RNGTT: variants seen among roughly 807,000 people sequenced by gnomAD.
RNGTT encodes RNA guanylyltransferase and 5'-phosphatase, also known as mRNA-capping enzyme.
In RNGTT, 33 loss-of-function variants were observed where a neutral mutation model predicts 79.3. The ratio of observed to expected loss-of-function variants is 0.42; its 90% CI spans 0.32 to 0.56. The LOEUF (loss-of-function observed/expected upper bound fraction) is 0.56, where lower values mean the gene tolerates loss of function less well. Ranked by LOEUF, RNGTT falls within the 20% of genes least tolerant of loss-of-function variation. The pLI, the probability that RNGTT is intolerant of heterozygous loss-of-function variation, is 0.17. For synonymous variants in RNGTT, 222 were observed against 235.9 expected, an observed-to-expected ratio of 0.94 and a Z score of 0.54; for missense variants, 497 against 739.1, an observed-to-expected ratio of 0.67 and a Z score of 3.80.
intron 14 of RNGTT, among the ~76,000 whole-genome samples, chr6:88,629,354 G>A (rs1772757793): frequency 6.6e-6 from 1 of 152,130 alleles, no homozygotes; most frequent in African/African-American, 2.4e-5. Context: ...GAAAAAAGAT[G>A]CAAACATAAA....
At chr6:88,914,415 G>A (rs774305130) in intron 4 of RNGTT, among the ~76,000 whole-genome samples, 2 of 151,960 alleles carry the variant, frequency 1.3e-5, no homozygotes, top group Non-Finnish European at 2.9e-5. Flanking sequence ...AACCAAAAGA[G>A]CATGGTACTC....
chr6:88,643,976 A>G (rs1773428143), intron 14 of RNGTT, among the ~76,000 whole-genome samples: 1 of 152,184 alleles, frequency 6.6e-6, no homozygotes, highest in Non-Finnish European at 1.5e-5. Context: ...TTCAAAAGCT[A>G]GCAGAAGGCA....
chr6:88,729,172 C>A (rs1478850016), intron 13 of RNGTT, among the ~76,000 whole-genome samples: 1 of 152,182 alleles, frequency 6.6e-6, no homozygotes, highest in Non-Finnish European at 1.5e-5. Flanking sequence ...TCTCTCACGA[C>A]AGGCAGGAAA....
intron 5 of RNGTT, among the ~76,000 whole-genome samples, chr6:88,905,983 C>A (rs1204310421): frequency 1.3e-5 from 2 of 151,948 alleles, no homozygotes; most frequent in East Asian, 3.9e-4. Context: ...CCTCACTAGA[C>A]AAAAAAGAAA....
chr6:88,687,412 T>C (rs139942710), intron 13 of RNGTT, among the ~76,000 whole-genome samples: 3 of 152,304 alleles, frequency 2.0e-5, no homozygotes, highest in African/African-American at 7.2e-5. Context: ...GACCCAGTCA[T>C]CTTCCTTCTG....
chr6:88,741,251 A>G (rs1168442857), intron 13 of RNGTT, among the ~76,000 whole-genome samples: 1 of 152,156 alleles, frequency 6.6e-6, no homozygotes, highest in Non-Finnish European at 1.5e-5. Context: ...TACACCATGG[A>G]ATACTACGCA....
chr6:88,870,000 A>G (rs2127919853), intron 8 of RNGTT, among the ~76,000 whole-genome samples: 1 of 152,308 alleles, frequency 6.6e-6, no homozygotes, highest in East Asian at 1.9e-4. Context: ...ATGCAAAAGT[A>G]TTTTAAAAAT....
chr6:88,682,489 G>A (rs1775126918), intron 13 of RNGTT, among the ~76,000 whole-genome samples: 1 of 152,164 alleles, frequency 6.6e-6, no homozygotes. Flanking sequence ...TTAAGAAAAT[G>A]CATATCATTG....
intron 14 of RNGTT, among the ~76,000 whole-genome samples, chr6:88,671,052 G>C (rs1369977301): frequency 6.6e-6 from 1 of 152,124 alleles, no homozygotes; most frequent in African/African-American, 2.4e-5. Flanking sequence ...ATAAGACAAT[G>C]ATGCCCACTT....
rs531771212 is a variant in RNGTT at position 88,918,407 on chromosome 6, A to G, written c.367+10578T>C. 1.5e-3 allele frequency among the ~76,000 whole-genome samples: 233 copies of G among 152,094 alleles called. 1 individual carries two copies. The highest frequency in any genetic ancestry group is 5.4e-3 in the African/African-American group (224 of 41,372). ...TAGGAAAAAATGGATTCAAGTATAG[A>G]TTCTTTTAAAAAGTCAGCTGAGAAA... On this transcript the variant is annotated intron_variant, in intron 4 of 15. Transcript: ENST00000369485.
At chr6:88,664,959 T>C (rs930116042) in intron 14 of RNGTT, among the ~76,000 whole-genome samples, 1 of 152,194 alleles carries the variant, frequency 6.6e-6, no homozygotes, top group Non-Finnish European at 1.5e-5. Context: ...AAGCAGGCTT[T>C]CTGTTTGCCC....
At chr6:88,955,043 G>A (rs1354557078) in intron 1 of RNGTT, among the ~76,000 whole-genome samples, 1 of 151,886 alleles carries the variant, frequency 6.6e-6, no homozygotes, top group Non-Finnish European at 1.5e-5. Context: ...GGGTGACAGA[G>A]CAAGACTCCA....
intron 11 of RNGTT, among the ~76,000 whole-genome samples, chr6:88,815,837 C>T (rs936012023): frequency 4.6e-5 from 7 of 152,104 alleles, no homozygotes; most frequent in African/African-American, 1.7e-4. Context: ...ACTGGGATAC[C>T]AAATGGCATT....
chr6:88,741,444 G>C (rs1378526842), intron 13 of RNGTT, among the ~76,000 whole-genome samples: 1 of 152,092 alleles, frequency 6.6e-6, no homozygotes, highest in Non-Finnish European at 1.5e-5. Flanking sequence ...CAAGGGAAGG[G>C]AGAAAGAGGG....
chr6:88,891,161 T>C (rs1323412105), intron 7 of RNGTT, among the ~76,000 whole-genome samples: 2 of 152,110 alleles, frequency 1.3e-5, no homozygotes, highest in African/African-American at 4.8e-5. Context: ...TTTCATATTT[T>C]AGTTAAAACT....
intron 4 of RNGTT, among the ~76,000 whole-genome samples, chr6:88,918,606 A>T (rs748010475): frequency 3.3e-5 from 5 of 152,212 alleles, no homozygotes; most frequent in African/African-American, 4.8e-5. Context: ...AGAAGAAAAT[A>T]AAAAACAAAG....
chr6:88,932,875 T>A (rs916623803), intron 2 of RNGTT, among the ~76,000 whole-genome samples: 8 of 152,202 alleles, frequency 5.3e-5, no homozygotes, highest in African/African-American at 1.9e-4. Flanking sequence ...AATTCATACA[T>A]CTTCCACCTC....
At chr6:88,761,018 T>TACAC (rs59719740) in intron 13 of RNGTT, among the ~76,000 whole-genome samples, 21,342 of 130,954 alleles carry the variant, frequency 0.16, 1,675 homozygotes, top group Admixed American at 0.21. Context: ...GCAAAAGAAA[T>TACAC]ACACACACAC....
At chr6:88,888,758 G>A (rs1782948141) in intron 8 of RNGTT, among the ~76,000 whole-genome samples, 2 of 152,140 alleles carry the variant, frequency 1.3e-5, no homozygotes, top group African/African-American at 2.4e-5. Context: ...GGCCAGGCAC[G>A]GTGGCTCACA....
Sources: allele counts gnomAD v4.1 joint callset (sites outside exome capture counted in the v4.1 genomes callset), GRCh38; gene constraint gnomAD v4.1.1; transcripts MANE v1.5; gene names NCBI Gene and HGNC (gene_info 2026-07-23, HGNC 2026-07-21).